ANKS1B: variants seen among roughly 807,000 people sequenced by gnomAD.
The protein encoded by ANKS1B is ankyrin repeat and sterile alpha motif domain containing 1B, also known as ankyrin repeat and sterile alpha motif domain-containing protein 1B.
A neutral mutation model predicts 148.3 loss-of-function variants in ANKS1B; 36 were observed. The observed-to-expected ratio is 0.24, with a 90% CI of 0.19 to 0.32. ANKS1B has a LOEUF of 0.32. ANKS1B is among the 10% of genes least tolerant of loss of function. ANKS1B has a pLI of 1.00. For missense variants in ANKS1B, 1,157 were observed against 1,542.6 expected (o/e 0.75, Z 4.19); for synonymous variants, 542 against 560.8 (o/e 0.97, Z 0.47).
intron 15 of ANKS1B, among the ~76,000 whole-genome samples, chr12:99,144,178 C>T (rs1222817968): frequency 6.6e-6 from 1 of 151,780 alleles, no homozygotes; most frequent in Non-Finnish European, 1.5e-5. Flanking sequence ...TCATCAATTT[C>T]CTTGGAGTGC....
At chr12:98,778,002 G>C (rs1026207533) in intron 24 of ANKS1B, among the ~76,000 whole-genome samples, 1 of 152,294 alleles carries the variant, frequency 6.6e-6, no homozygotes, top group East Asian at 1.9e-4. Flanking sequence ...TCAAGTTTTA[G>C]TCGTTCTTCA....
intron 17 of ANKS1B, among the ~76,000 whole-genome samples, chr12:98,919,924 A>T (rs146403313): frequency 1.3e-5 from 2 of 152,216 alleles, no homozygotes; most frequent in African/African-American, 4.8e-5. Context: ...CCATTTCAGC[A>T]ACTTCAGGAA....
intron 12 of ANKS1B, among the ~76,000 whole-genome samples, chr12:99,256,945 A>T (rs563167299): frequency 3.5e-4 from 54 of 152,228 alleles, no homozygotes; most frequent in South Asian, 2.9e-3. Flanking sequence ...TACATTTTTT[A>T]AAAAAATTAT....
intron 8 of ANKS1B, among the ~76,000 whole-genome samples, chr12:99,698,708 C>T (rs2054310637): frequency 6.6e-6 from 1 of 152,176 alleles, no homozygotes; most frequent in African/African-American, 2.4e-5. Flanking sequence ...GTAGTTGGGA[C>T]ATGCTGTTTC....
chr12:99,617,647 G>A (rs2097985269), intron 9 of ANKS1B, among the ~76,000 whole-genome samples: 1 of 151,876 alleles, frequency 6.6e-6, no homozygotes, highest in African/African-American at 2.4e-5. Flanking sequence ...AGGGGTTGGG[G>A]GAAAAAGGGA....
intron 9 of ANKS1B, among the ~76,000 whole-genome samples, chr12:99,558,217 T>C (rs922574980): frequency 6.6e-6 from 1 of 151,898 alleles, no homozygotes; most frequent in African/African-American, 2.4e-5. Context: ...CATGCTCACA[T>C]TGGTGACCGT....
At chr12:99,512,182 T>A (rs1322554408) in intron 9 of ANKS1B, among the ~76,000 whole-genome samples, 1 of 151,858 alleles carries the variant, frequency 6.6e-6, no homozygotes, top group East Asian at 1.9e-4. Context: ...AAGTCTAATA[T>A]CCAGAATCTA....
At chr12:99,210,901 A>G (rs2083265027) in intron 14 of ANKS1B, among the ~76,000 whole-genome samples, 1 of 152,236 alleles carries the variant, frequency 6.6e-6, no homozygotes, top group Non-Finnish European at 1.5e-5. Flanking sequence ...CATTCCCTCA[A>G]AAGTTTTAAA....
chr12:99,955,432 G>A (rs1169964403), intron 1 of ANKS1B, among the ~76,000 whole-genome samples: 5 of 140,406 alleles, frequency 3.6e-5, no homozygotes, highest in African/African-American at 7.8e-5. Context: ...GGCGGAGCTT[G>A]CAGTGAGTCG....
At chr12:99,498,112 T>C (rs1395982318) in intron 10 of ANKS1B, among the ~76,000 whole-genome samples, 1 of 152,156 alleles carries the variant, frequency 6.6e-6, no homozygotes, top group African/African-American at 2.4e-5. Flanking sequence ...TCTGCTGCAA[T>C]TGTCTTTGTT....
intron 10 of ANKS1B, among the ~76,000 whole-genome samples, chr12:99,483,811 T>C (rs1329427658): frequency 6.6e-6 from 1 of 152,028 alleles, no homozygotes; most frequent in Non-Finnish European, 1.5e-5. Flanking sequence ...TAGCATCCAA[T>C]GATCTTTTGT....
intron 9 of ANKS1B, among the ~76,000 whole-genome samples, chr12:99,647,148 G>T (rs1375736649): frequency 6.6e-6 from 1 of 151,968 alleles, no homozygotes; most frequent in Non-Finnish European, 1.5e-5. Flanking sequence ...CATACACGTG[G>T]TCTTACATAA....
chr12:99,470,016 G>A (rs2096212312), intron 10 of ANKS1B, among the ~76,000 whole-genome samples: 1 of 151,930 alleles, frequency 6.6e-6, no homozygotes, highest in Non-Finnish European at 1.5e-5. Context: ...CTTCTCAGGA[G>A]ACTGAGGCAG....
At chr12:99,959,984 G>A (rs947859085) in intron 1 of ANKS1B, among the ~76,000 whole-genome samples, 3 of 152,126 alleles carry the variant, frequency 2.0e-5, no homozygotes, top group African/African-American at 7.2e-5. Flanking sequence ...GATAAGCAGG[G>A]AAAATTTCCT....
chr12:99,391,246 A>G (rs1245662545), intron 12 of ANKS1B, among the ~76,000 whole-genome samples: 1 of 152,174 alleles, frequency 6.6e-6, no homozygotes, highest in Non-Finnish European at 1.5e-5. Flanking sequence ...TGCAAATCAG[A>G]TCATCTCTCT....
At chr12:98,848,245 G>A (rs931575699) in intron 17 of ANKS1B, among the ~76,000 whole-genome samples, 1 of 152,080 alleles carries the variant, frequency 6.6e-6, no homozygotes, top group Non-Finnish European at 1.5e-5. Context: ...CACACAGTGA[G>A]GAATTATTAA....
chr12:99,083,938 A>AT (rs1346988440), intron 16 of ANKS1B: 4 of 152,116 alleles, frequency 2.6e-5, no homozygotes, highest in African/African-American at 9.7e-5. Flanking sequence ...TATCAATTAA[A>AT]ATCCCACATA....
chr12:99,596,530 T>C (rs1405774011), intron 9 of ANKS1B, among the ~76,000 whole-genome samples: 1 of 151,972 alleles, frequency 6.6e-6, no homozygotes, highest in African/African-American at 2.4e-5. Flanking sequence ...GAGGTTATGA[T>C]GAACATGAAT....
At chr12:99,783,502 CTG>C (rs2153635387) in intron 4 of ANKS1B, among the ~76,000 whole-genome samples, 1 of 152,226 alleles carries the variant, frequency 6.6e-6, no homozygotes, top group Admixed American at 6.5e-5. Context: ...TGGGGGCTGT[CTG>C]TAAATATTTA....
Sources: allele counts gnomAD v4.1 joint callset (sites outside exome capture counted in the v4.1 genomes callset), GRCh38; gene constraint gnomAD v4.1.1; transcripts MANE v1.5; gene names NCBI Gene and HGNC (gene_info 2026-07-23, HGNC 2026-07-21).